SCFD2: variants seen among roughly 807,000 people sequenced by gnomAD.
SCFD2 encodes sec1 family domain containing 2, also known as sec1 family domain-containing protein 2.
In SCFD2, 54 loss-of-function variants were observed where a neutral mutation model predicts 58.9. That is an observed-to-expected ratio of 0.92 (90% CI 0.74 to 1.15). The LOEUF (loss-of-function observed/expected upper bound fraction) is 1.15, where lower values mean the gene tolerates loss of function less well. Among genes scored for constraint, SCFD2 ranks in the 50% most tolerant of loss-of-function variants. The probability of loss-of-function intolerance (pLI) is 0.00; values close to 1 mark genes in which losing one functional copy is unlikely to be tolerated. For missense variants in SCFD2, 805 were observed against 836.6 expected (o/e 0.96, Z 0.47); for synonymous variants, 321 against 335.9 (o/e 0.96, Z 0.49).
chr4:52,960,953 G>A (rs1720839725), intron 5 of SCFD2, among the ~76,000 whole-genome samples: 1 of 152,190 alleles, frequency 6.6e-6, no homozygotes. Context: ...CATGGTCATT[G>A]TGAGTAGTCT....
chr4:53,090,862 A>G (rs1311427751), intron 5 of SCFD2, among the ~76,000 whole-genome samples: 1 of 152,130 alleles, frequency 6.6e-6, no homozygotes, highest in Admixed American at 6.6e-5. Context: ...GATAAGCACT[A>G]TCATCATTCC....
intron 5 of SCFD2, among the ~76,000 whole-genome samples, chr4:53,038,885 C>T (rs1243310672): frequency 1.3e-5 from 2 of 152,018 alleles, no homozygotes; most frequent in Non-Finnish European, 2.9e-5. Flanking sequence ...GATGGTGGAT[C>T]TCACTTTGCT....
rs375761642 is a variant in SCFD2, at chr4:53,182,073, T to C, written c.1312-36491A>G. ...AATCAATATCGTGAAAATGGCCATA[T>C]TGCCCAAGGTAATTTATAGATTCAA... On this transcript the variant is annotated intron_variant, in intron 4 of 8. Transcript: ENST00000401642. Among the ~76,000 whole-genome samples, 138 of 152,102 alleles carry C rather than the reference T, an allele frequency of 9.1e-4. No individual in the cohort carries two copies. In the East Asian group the frequency reaches 0.01, roughly 11 times the overall value.
At chr4:53,322,375 G>T (rs955767356) in intron 2 of SCFD2, among the ~76,000 whole-genome samples, 3 of 152,204 alleles carry the variant, frequency 2.0e-5, no homozygotes, top group Non-Finnish European at 2.9e-5. Context: ...TTTACAAATG[G>T]CATGGCAACA....
chr4:53,216,952 G>A (rs1382844545), intron 4 of SCFD2, among the ~76,000 whole-genome samples: 7 of 152,278 alleles, frequency 4.6e-5, no homozygotes, highest in African/African-American at 1.4e-4. Context: ...GTAGCTGAGC[G>A]GTTTTGAGTG....
intron 5 of SCFD2, among the ~76,000 whole-genome samples, chr4:52,938,103 C>T (rs1720190416): frequency 6.6e-6 from 1 of 152,164 alleles, no homozygotes; most frequent in African/African-American, 2.4e-5. Context: ...TGCATTTCTC[C>T]ACTGTGTCTA....
intron 4 of SCFD2, 33 bp downstream of exon 4, chr4:53,273,793 T>G: frequency 1.3e-6 from 2 of 1,563,136 alleles, no homozygotes; most frequent in Non-Finnish European, 1.7e-6. Flanking sequence ...ACATTAATTA[T>G]TAAGATCCCA....
chr4:53,180,888 A>C (rs189130466), intron 4 of SCFD2, among the ~76,000 whole-genome samples: 1,577 of 152,330 alleles, frequency 0.01, 13 homozygotes, highest in Middle Eastern at 0.048. Flanking sequence ...TACGCAAATA[A>C]ACTAGAAAAA....
chr4:53,149,525 C>T (rs1221783917), intron 4 of SCFD2, among the ~76,000 whole-genome samples: 2 of 152,116 alleles, frequency 1.3e-5, no homozygotes, highest in East Asian at 3.8e-4. Flanking sequence ...TAAGGAATTC[C>T]AAGTAACCTA....
intron 2 of SCFD2, among the ~76,000 whole-genome samples, chr4:53,337,830 T>C (rs909120494): frequency 1.1e-4 from 16 of 152,330 alleles, no homozygotes; most frequent in South Asian, 2.1e-4. Flanking sequence ...ATTCAATTTG[T>C]GCATTTCTCA....
chr4:53,258,577 T>TATATATATACAC (rs757658747), intron 4 of SCFD2, among the ~76,000 whole-genome samples: 14 of 121,398 alleles, frequency 1.2e-4, no homozygotes, highest in African/African-American at 2.9e-4. Flanking sequence ...TATATATATA[T>TATATATATACAC]ACACACACAT....
chr4:52,993,092 A>G (rs557110795), intron 5 of SCFD2, among the ~76,000 whole-genome samples: 135 of 152,066 alleles, frequency 8.9e-4, no homozygotes, highest in African/African-American at 3.1e-3. Context: ...CTATAACCTT[A>G]CCCCCAACCC....
intron 5 of SCFD2, among the ~76,000 whole-genome samples, chr4:52,982,437 ATAAG>A (rs758130283): frequency 1.3e-5 from 2 of 152,340 alleles, no homozygotes; most frequent in African/African-American, 4.8e-5. Flanking sequence ...ACTCTTCTAC[ATAAG>A]TAGTCAGAGA....
intron 5 of SCFD2, among the ~76,000 whole-genome samples, chr4:53,034,560 T>TA (rs1722708393): frequency 6.6e-6 from 1 of 152,202 alleles, no homozygotes; most frequent in Non-Finnish European, 1.5e-5. Flanking sequence ...GACATGATTG[T>TA]ATATTTAGAA....
intron 2 of SCFD2, among the ~76,000 whole-genome samples, chr4:53,331,104 G>T (rs1036624200): frequency 6.6e-6 from 1 of 151,648 alleles, no homozygotes; most frequent in African/African-American, 2.4e-5. Flanking sequence ...AGCAAGTCCT[G>T]AGTGACCTAC....
intron 4 of SCFD2, among the ~76,000 whole-genome samples, chr4:53,156,333 AG>A (rs1439089859): frequency 6.8e-6 from 1 of 147,306 alleles, no homozygotes; most frequent in Non-Finnish European, 1.5e-5. Flanking sequence ...CGGGAGGCAG[AG>A]GTTGCAGTGA....
intron 5 of SCFD2, among the ~76,000 whole-genome samples, chr4:52,990,332 C>T (rs983913260): frequency 5.3e-5 from 8 of 152,242 alleles, no homozygotes; most frequent in African/African-American, 1.9e-4. Context: ...TCATTAGTCT[C>T]ATTCCACTAT....
chr4:52,975,865 TCTTTGTAGGGA>T (rs946687930), intron 5 of SCFD2, among the ~76,000 whole-genome samples: 1 of 152,000 alleles, frequency 6.6e-6, no homozygotes, highest in Non-Finnish European at 1.5e-5. Flanking sequence ...GAGTTCACGT[TCTTTGTAGGGA>T]CACGGATGAA....
At chr4:53,328,736 G>A (rs573578154) in intron 2 of SCFD2, among the ~76,000 whole-genome samples, 68 of 152,318 alleles carry the variant, frequency 4.5e-4, no homozygotes, top group Non-Finnish European at 8.1e-4. Context: ...AATATTGGGG[G>A]AGGAGCCAAG....
Sources: gnomAD v4.1 joint callset for allele counts (sites outside exome capture counted in the v4.1 genomes callset) on GRCh38, gnomAD v4.1.1 for gene constraint, MANE v1.5 for transcripts, NCBI Gene and HGNC (gene_info 2026-07-23, HGNC 2026-07-21) for gene names.